The following ACLY variants were observed in gnomAD, a reference collection of about 807,000 sequenced individuals.
ACLY encodes ATP citrate lyase.
In ACLY, 41 loss-of-function variants were observed where a neutral mutation model predicts 133.0. The observed-to-expected ratio is 0.31, with a 90% CI of 0.24 to 0.40. The LOEUF is 0.40. Ranked by LOEUF, ACLY falls within the 10% of genes least tolerant of loss-of-function variation. ACLY has a pLI of 1.00. For synonymous variants in ACLY, 495 were observed against 549.3 expected (o/e 0.90, Z 1.38); for missense variants, 1,046 against 1,453.8 (o/e 0.72, Z 4.56).
intron 17 of ACLY, 152 bp from the exon 18 acceptor site, chr17:41,886,460 CT>C: frequency 1.4e-6 from 1 of 730,952 alleles, no homozygotes; most frequent in Non-Finnish European, 2.2e-6. Context: ...GGGTTTCCTG[CT>C]TAGGAAAGTC....
intron 19 of ACLY, among the ~76,000 whole-genome samples, chr17:41,883,886 C>T (rs1193934959): frequency 6.6e-6 from 1 of 151,994 alleles, no homozygotes; most frequent in African/African-American, 2.4e-5. Context: ...CCATACCTGG[C>T]CAAAAAAATG....
rs1282768269 is a variant in ACLY at position 41,866,957 on chromosome 17, A to G, written c.*853T>C. The G allele has an allele frequency of 2.0e-5, 3 of 152,478 alleles. No homozygotes were observed. The highest frequency in any genetic ancestry group is 6.5e-5 in the Admixed American group (1 of 15,282). The allele number at this position is 152,478 out of a possible 1,614,324, so 9.4% of individuals were successfully genotyped here. On this transcript the variant is annotated 3_prime_UTR_variant, in exon 29 of 29. Transcript: ENST00000352035. Reference sequence around the variant, plus strand: ...CTATATAGTTTATTTAAACCAGACTATGATAATACAGAGAAGAGACTGAGG... The same window carrying G: ...CTATATAGTTTATTTAAACCAGACTGTGATAATACAGAGAAGAGACTGAGG...
At position 41,872,030 on chromosome 17, in the gene ACLY, A is replaced by C; in HGVS notation, c.2793+2T>G. ...TTCACCTCCCATGATGACAGTACTT[A>C]CGATGGTGAGCAGCCCCGAGGTGAG... On this transcript the variant is annotated splice_donor_variant, in intron 24 of 28. Coordinates refer to ENST00000352035, the MANE Select transcript of ACLY (RefSeq NM_001096.3). LOFTEE classifies it high-confidence loss of function. The C allele has an allele frequency of 6.2e-7, 1 of 1,613,976 alleles. No individual in the cohort carries two copies. The highest frequency in any genetic ancestry group is 8.5e-7 in the Non-Finnish European group (1 of 1,179,934).
rs545196167 is a variant in ACLY, at chr17:41,913,915, C to G, written c.-23-19G>C. 56 of 1,612,774 alleles carry G rather than the reference C, an allele frequency of 3.5e-5. No individual in the cohort carries two copies. In the East Asian group the frequency reaches 1.1e-3, roughly 31 times the overall value. ...GCTCTACCTGTCTGGGAGAGAGAAGCTGGTCAGAAGGGGGCAGGCGTGTGG... is the reference window on the plus strand; with the variant it reads ...GCTCTACCTGTCTGGGAGAGAGAAGGTGGTCAGAAGGGGGCAGGCGTGTGG... On this transcript the variant is annotated intron_variant, in intron 1 of 28. Transcript: ENST00000352035.
intron 14 of ACLY, among the ~76,000 whole-genome samples, chr17:41,894,127 G>A (rs1266923893): frequency 1.3e-5 from 2 of 150,620 alleles, no homozygotes; most frequent in African/African-American, 4.9e-5. Context: ...GAGGCAGGGA[G>A]AATCGCTCGA....
Position 41,878,938 on chromosome 17 carries a change from G to T in ACLY, c.2266-14C>A. ...GCCAAACTGGACCTGGAAAGCAAAG[G>T]AAAGTAGCTTTACTGCTAATCCCCC... is the stretch of plus-strand genomic sequence containing the variant. On this transcript the variant is annotated splice_polypyrimidine_tract_variant and intron_variant, in intron 20 of 28. Coordinates refer to ENST00000352035, the MANE Select transcript of ACLY (RefSeq NM_001096.3). The T allele has an allele frequency of 6.2e-7, 1 of 1,613,884 alleles. No individual in the cohort carries two copies. Among genetic ancestry groups the T allele is most frequent in the Non-Finnish European group, 8.5e-7 (1 of 1,179,858 alleles).
At chr17:41,909,486 T>A in intron 5 of ACLY, 24 bp downstream of exon 5, 1 of 1,609,388 alleles carries the variant, frequency 6.2e-7, no homozygotes, top group South Asian at 1.1e-5. Flanking sequence ...AACTGCCACC[T>A]CCCTACCGTC....
chr17:41,923,323 C>A (rs2050204468), upstream of ACLY, among the ~76,000 whole-genome samples: 1 of 152,196 alleles, frequency 6.6e-6, no homozygotes. Flanking sequence ...GGCATTCCAC[C>A]TGGGTTCCAG....
At chr17:41,912,217 GGAT>G (rs1444399485) in intron 3 of ACLY, among the ~76,000 whole-genome samples, 200 bp downstream of exon 3, 1 of 152,170 alleles carries the variant, frequency 6.6e-6, no homozygotes, top group Admixed American at 6.6e-5. Flanking sequence ...AAAGAAGTTT[GGAT>G]GATGAGGGAG....
rs2048487871 is a variant in ACLY, at chr17:41,867,091, A to G, written c.*719T>C. On this transcript the variant is annotated 3_prime_UTR_variant, in exon 29 of 29. Coordinates refer to ENST00000352035, the MANE Select transcript of ACLY (RefSeq NM_001096.3). ...AATCAGCTGCATAAATACAGAGAAC[A>G]TAAGACACAAGACATTTCACAGCTT... 6.6e-6 allele frequency: 1 copy of G among 152,662 alleles called. No individual in the cohort carries two copies. The highest frequency in any genetic ancestry group is 2.1e-4 in the South Asian group (1 of 4,836). 9.5% of individuals were successfully genotyped at this position (152,662 alleles called of 1,614,324 possible). A position where few individuals can be genotyped will look rare whatever the true frequency, so the allele number is the denominator to read the frequency against.
At chr17:41,869,714 T>G in intron 25 of ACLY, 127 bp from the exon 26 acceptor site, 1 of 688,654 alleles carries the variant, frequency 1.5e-6, no homozygotes. Context: ...GGCCCACGTG[T>G]ACCATTCCAT....
At chr17:41,923,440 A>G (rs1555635650), upstream of ACLY, among the ~76,000 whole-genome samples, 1 of 152,214 alleles carries the variant, frequency 6.6e-6, no homozygotes, top group African/African-American at 2.4e-5. Flanking sequence ...CAGCCACTTG[A>G]GCTAACTAAG....
intron 1 of ACLY, among the ~76,000 whole-genome samples, chr17:41,926,438 T>C (rs1439199966): frequency 2.0e-5 from 3 of 152,244 alleles, no homozygotes; most frequent in Non-Finnish European, 4.4e-5. Flanking sequence ...CTCACAGTGC[T>C]TTATAAATTG....
At chr17:41,928,664 C>T (rs1307522359) in intron 1 of ACLY, among the ~76,000 whole-genome samples, 2 of 151,814 alleles carry the variant, frequency 1.3e-5, no homozygotes, top group Non-Finnish European at 2.9e-5. Flanking sequence ...CCAGCCTGGC[C>T]AACATGGTGA....
intron 11 of ACLY, among the ~76,000 whole-genome samples, chr17:41,899,296 T>G (rs1427818849): frequency 2.0e-5 from 3 of 150,988 alleles, no homozygotes; most frequent in Non-Finnish European, 4.4e-5. Flanking sequence ...AAAAACCACA[T>G]AAGAAACATA....
rs149319970 is a variant in ACLY at position 41,884,567 on chromosome 17, C to G, written c.2073-293G>C. Among the ~76,000 whole-genome samples the G allele has an allele frequency of 6.9e-3, 1,057 of 152,300 alleles. 10 individuals carry two copies. The highest frequency in any genetic ancestry group is 6.0e-3 in the Non-Finnish European group (408 of 68,038). ...TAAGAGATGACTTAGAAAGTACGCC[C>G]TGGTGCAGTTGTTTTAAAATATATC... is the stretch of plus-strand genomic sequence containing the variant. On this transcript the variant is annotated intron_variant, in intron 18 of 28. Coordinates refer to ENST00000352035, the MANE Select transcript of ACLY (RefSeq NM_001096.3).
intron 1 of ACLY, among the ~76,000 whole-genome samples, chr17:41,928,912 C>G (rs76162894): frequency 7.4e-5 from 11 of 149,412 alleles, no homozygotes; most frequent in African/African-American, 2.5e-4. Flanking sequence ...ATCTGTAGAT[C>G]TCTTCCTTGC....
At chr17:41,911,156 A>G (rs186180080) in intron 3 of ACLY, among the ~76,000 whole-genome samples, 45 of 152,316 alleles carry the variant, frequency 3.0e-4, no homozygotes, top group Middle Eastern at 3.4e-3. Context: ...AGGGCCAGAA[A>G]CTGGGAAATT....
chr17:41,880,820 T>C (rs1251103769), intron 20 of ACLY, among the ~76,000 whole-genome samples: 2 of 150,958 alleles, frequency 1.3e-5, no homozygotes, highest in African/African-American at 2.4e-5. Context: ...GAGCCGAGAC[T>C]GCACCACTGC....
Sources: allele counts gnomAD v4.1 joint callset (sites outside exome capture counted in the v4.1 genomes callset), GRCh38; gene constraint gnomAD v4.1.1; transcripts MANE v1.5; gene names NCBI Gene and HGNC (gene_info 2026-07-23, HGNC 2026-07-21).